SCAF11: variants seen among roughly 807,000 people sequenced by gnomAD.
The protein encoded by SCAF11 is SR-related CTD associated factor 11, also known as protein SCAF11.
In SCAF11, 47 loss-of-function variants were observed where a neutral mutation model predicts 140.5. That is an observed-to-expected ratio of 0.33 (90% CI 0.26 to 0.43). The LOEUF is 0.43. Ranked by LOEUF, SCAF11 falls within the 20% of genes least tolerant of loss-of-function variation. SCAF11 has a pLI of 1.00. For synonymous variants in SCAF11, 557 were observed against 579.4 expected (o/e 0.96, Z 0.55); for missense variants, 1,645 against 1,705.1 (o/e 0.96, Z 0.62).
chr12:45,954,242 T>C (rs938840532), intron 3 of SCAF11, among the ~76,000 whole-genome samples: 21 of 152,270 alleles, frequency 1.4e-4, no homozygotes, highest in African/African-American at 5.1e-4. Context: ...TTATTTTTTT[T>C]ATTTTTTGAG....
At chr12:45,970,480 G>A (rs746564938) in intron 1 of SCAF11, among the ~76,000 whole-genome samples, 2 of 152,234 alleles carry the variant, frequency 1.3e-5, no homozygotes, top group South Asian at 2.1e-4. Flanking sequence ...CTATGGATGA[G>A]CACTGATATG....
chr12:45,961,965 A>G (rs1451528594), intron 2 of SCAF11, 108 bp from the exon 3 acceptor site: 1 of 682,976 alleles, frequency 1.5e-6, no homozygotes, highest in Non-Finnish European at 2.2e-6. Context: ...CCTACTATAA[A>G]GCAAATAGAT....
upstream of SCAF11, chr12:45,990,679 C>T (rs1592236818): frequency 2.1e-6 from 2 of 935,408 alleles, no homozygotes; most frequent in East Asian, 6.9e-5. Context: ...ACGACGGCGG[C>T]AGCCGGACTC....
intron 1 of SCAF11, among the ~76,000 whole-genome samples, chr12:45,971,914 G>C (rs1946083136): frequency 6.6e-6 from 1 of 152,124 alleles, no homozygotes; most frequent in South Asian, 2.1e-4. Context: ...CACAGTTACA[G>C]AAAATGGAGT....
At chr12:45,989,830 T>C (rs549136701) in intron 1 of SCAF11, among the ~76,000 whole-genome samples, 9 of 152,324 alleles carry the variant, frequency 5.9e-5, no homozygotes, top group African/African-American at 2.2e-4. Context: ...TAGTAAAGTT[T>C]GGTTTCACTA....
At position 45,920,164 on chromosome 12, in the gene SCAF11, A is replaced by G. The variant is rs1944673672; in HGVS notation, c.*1884T>C. 6.6e-6 allele frequency: 1 copy of G among 152,226 alleles called. No homozygotes were observed. The highest frequency in any genetic ancestry group is 2.1e-4 in the South Asian group (1 of 4,838). 9.4% of individuals were successfully genotyped at this position (152,226 alleles called of 1,614,324 possible). ...TATTACAAATGCCCAGAAATGTAGA[A>G]TAAAGGTCAAAAACTGCTTGGAAAT... On this transcript the variant is annotated 3_prime_UTR_variant, in exon 15 of 15. Transcript: ENST00000369367.
intron 4 of SCAF11, among the ~76,000 whole-genome samples, chr12:45,951,447 C>G (rs1289012407): frequency 6.6e-6 from 1 of 152,030 alleles, no homozygotes; most frequent in African/African-American, 2.4e-5. Context: ...TATGGATATG[C>G]CCTCTTTAGG....
intron 1 of SCAF11, among the ~76,000 whole-genome samples, chr12:45,985,757 C>A (rs1000673344): frequency 1.3e-5 from 2 of 152,100 alleles, no homozygotes; most frequent in African/African-American, 4.8e-5. Flanking sequence ...AAACTTTGAT[C>A]TCAATACTTT....
At chr12:45,964,390 G>A (rs190438745) in intron 1 of SCAF11, among the ~76,000 whole-genome samples, 63 of 152,232 alleles carry the variant, frequency 4.1e-4, no homozygotes, top group Admixed American at 3.6e-3. Context: ...AGCCTTGGCC[G>A]TGCACGGTGG....
At chr12:45,952,235 C>A (rs1945567017) in intron 3 of SCAF11, among the ~76,000 whole-genome samples, 1 of 152,188 alleles carries the variant, frequency 6.6e-6, no homozygotes, top group Non-Finnish European at 1.5e-5. Context: ...TAGATGGCCA[C>A]TCCAGAGGCA....
chr12:45,972,899 T>TATATATAGATATATATATAGATATATAG (rs1946119724), intron 1 of SCAF11, among the ~76,000 whole-genome samples: 1 of 64,658 alleles, frequency 1.5e-5, no homozygotes, highest in Non-Finnish European at 2.7e-5. Flanking sequence ...TATAGATATA[T>TATATATAGATATATATATAGATATATAG]ATATATATAG....
chr12:45,955,798 AT>A (rs1191532243), intron 3 of SCAF11: 7 of 188,168 alleles, frequency 3.7e-5, no homozygotes, highest in Non-Finnish European at 5.5e-5. Context: ...CATTTCAATA[AT>A]TTTTAAAGTA....
At chr12:45,944,997 A>G (rs1945386240) in intron 6 of SCAF11, 1 of 453,242 alleles carries the variant, frequency 2.2e-6, no homozygotes, top group African/African-American at 2.1e-5. Context: ...ACACCAAGAA[A>G]TTGTGAAACA....
At chr12:45,943,675 G>T (rs1007017880) in intron 6 of SCAF11, among the ~76,000 whole-genome samples, 1 of 152,064 alleles carries the variant, frequency 6.6e-6, no homozygotes, top group Non-Finnish European at 1.5e-5. Context: ...ATCAGTCCAG[G>T]TTGGTCAGTG....
In SCAF11 at chr12:45,961,621, T is replaced by A. The variant is rs1371369895; in HGVS notation, c.219+79A>T. On this transcript the variant is annotated intron_variant, in intron 3 of 14. Transcript: ENST00000369367. ...AGAAAATACATTACTGTGAAATAATTTATGAAAGGCAGTATCAACTCTTTA... is the reference window on the plus strand; with the variant it reads ...AGAAAATACATTACTGTGAAATAATATATGAAAGGCAGTATCAACTCTTTA... 4 of 1,155,194 alleles carry A rather than the reference T, an allele frequency of 3.5e-6. No individual in the cohort carries two copies. The Admixed American group carries it at 1.0e-4, about 29-fold the overall frequency. 71.6% of individuals were successfully genotyped at this position (1,155,194 alleles called of 1,614,324 possible).
At chr12:45,940,910 T>A (rs539900310) in intron 6 of SCAF11, among the ~76,000 whole-genome samples, 39 of 152,244 alleles carry the variant, frequency 2.6e-4, no homozygotes, top group African/African-American at 8.7e-4. Flanking sequence ...GCTCAGGTGA[T>A]CCTCCCACCT....
At chr12:45,923,459 G>A (rs1481162423) in intron 12 of SCAF11, among the ~76,000 whole-genome samples, 2 of 151,986 alleles carry the variant, frequency 1.3e-5, no homozygotes, top group Non-Finnish European at 2.9e-5. Flanking sequence ...TTTCCTGCAA[G>A]GATCTTTAGG....
intron 12 of SCAF11, 65 bp from the exon 13 acceptor site, chr12:45,923,219 C>T (rs1944758671): frequency 2.9e-6 from 4 of 1,400,038 alleles, no homozygotes; most frequent in Non-Finnish European, 4.0e-6. Context: ...TTTAGTGATG[C>T]ATTAGAAATA....
chr12:45,947,788 T>C (rs1945459334), intron 5 of SCAF11, among the ~76,000 whole-genome samples: 1 of 152,162 alleles, frequency 6.6e-6, no homozygotes, highest in African/African-American at 2.4e-5. Flanking sequence ...GATATCTCCC[T>C]GCCTCAACTT....
Sources: allele counts gnomAD v4.1 joint callset (sites outside exome capture counted in the v4.1 genomes callset), GRCh38; gene constraint gnomAD v4.1.1; transcripts MANE v1.5; gene names NCBI Gene and HGNC (gene_info 2026-07-23, HGNC 2026-07-21).